The following SLC44A1 variants were observed in gnomAD, a reference collection of about 807,000 sequenced individuals.
The protein encoded by SLC44A1 is choline transporter-like protein 1.
Under a neutral mutation model 79.3 loss-of-function variants are expected in SLC44A1, and 26 were observed. The ratio of observed to expected loss-of-function variants is 0.33; its 90% CI spans 0.24 to 0.46. SLC44A1 has a LOEUF of 0.46. Ranked by LOEUF, SLC44A1 falls within the 20% of genes least tolerant of loss-of-function variation. The pLI, the probability that SLC44A1 is intolerant of heterozygous loss-of-function variation, is 1.00. For missense variants in SLC44A1, 688 were observed against 798.1 expected, an observed-to-expected ratio of 0.86 and a Z score of 1.66; for synonymous variants, 263 against 286.2, an observed-to-expected ratio of 0.92 and a Z score of 0.82.
intron 1 of SLC44A1, among the ~76,000 whole-genome samples, chr9:105,254,409 C>A (rs1056940140): frequency 1.3e-5 from 2 of 152,126 alleles, no homozygotes. Context: ...TTAGAGTAAC[C>A]AGGACTTCCC....
At chr9:105,352,769 A>G (rs967655186) in intron 5 of SLC44A1, among the ~76,000 whole-genome samples, 2 of 152,190 alleles carry the variant, frequency 1.3e-5, no homozygotes, top group African/African-American at 4.8e-5. Context: ...ATTCACCTCC[A>G]CCGAAATTCA....
chr9:105,249,839 C>T (rs1274098922), intron 1 of SLC44A1, among the ~76,000 whole-genome samples: 4 of 150,540 alleles, frequency 2.7e-5, no homozygotes, highest in African/African-American at 7.3e-5. Context: ...CCGGCCAATT[C>T]CCAAATCTTA....
chr9:105,356,189 A>AT lies in SLC44A1; in HGVS notation c.501-14dup, dbSNP rs555329166. 7.8e-4 allele frequency: 1,234 copies of AT among 1,572,414 alleles called. 1 individual carries two copies. The highest frequency in any genetic ancestry group is 4.5e-3 in the African/African-American group (330 of 72,634). ...TTAAGTAGGAGTAATTTTTTTTCTG[A>AT]TTTTTTTTTCTTGTGTCACCAGTGC... On this transcript the variant is annotated intron_variant, in intron 5 of 15. Coordinates refer to ENST00000374720, the MANE Select transcript of SLC44A1 (RefSeq NM_080546.5).
chr9:105,274,402 C>T (rs1830152792), intron 1 of SLC44A1, among the ~76,000 whole-genome samples: 1 of 152,166 alleles, frequency 6.6e-6, no homozygotes, highest in African/African-American at 2.4e-5. Flanking sequence ...ACTGCTTTTA[C>T]TTATGATGTT....
chr9:105,360,164 A>G (rs181233736), intron 7 of SLC44A1, among the ~76,000 whole-genome samples: 1 of 152,006 alleles, frequency 6.6e-6, no homozygotes. Context: ...GTTCTACCTC[A>G]GTCTCTTTGA....
At chr9:105,259,677 A>G (rs1829797722) in intron 1 of SLC44A1, among the ~76,000 whole-genome samples, 1 of 152,228 alleles carries the variant, frequency 6.6e-6, no homozygotes, top group South Asian at 2.1e-4. Flanking sequence ...GTGTTGGAAG[A>G]CAATTCTAAA....
chr9:105,383,034 ATAG>A, intron 13 of SLC44A1, 86 bp from the exon 14 acceptor site: 2 of 852,650 alleles, frequency 2.3e-6, no homozygotes, highest in East Asian at 2.4e-5. Context: ...TCATTTATAA[ATAG>A]TAGAATTTTA....
intron 4 of SLC44A1, among the ~76,000 whole-genome samples, chr9:105,338,435 G>A (rs551855196): frequency 2.9e-4 from 44 of 152,036 alleles, no homozygotes; most frequent in African/African-American, 8.9e-4. Context: ...CTGCTTAAGA[G>A]ACAGGCTGAA....
intron 1 of SLC44A1, among the ~76,000 whole-genome samples, chr9:105,246,964 G>A (rs1373693848): frequency 1.3e-5 from 2 of 152,192 alleles, no homozygotes. Flanking sequence ...CACCCAAGGG[G>A]TGCATTTTTT....
At chr9:105,400,910 T>TAA (rs1303023807), downstream of SLC44A1, among the ~76,000 whole-genome samples, 4 of 152,236 alleles carry the variant, frequency 2.6e-5, no homozygotes, top group African/African-American at 9.6e-5. Context: ...TCAATATACG[T>TAA]AATATTTAAA....
intron 5 of SLC44A1, 75 bp from the exon 6 acceptor site, chr9:105,356,137 A>T (rs1827614831): frequency 8.7e-7 from 1 of 1,155,944 alleles, no homozygotes; most frequent in South Asian, 1.2e-5. Flanking sequence ...TTCACCTTTC[A>T]TTTGTGTGTT....
chr9:105,424,984 A>T (rs565945367), intron 15 of SLC44A1, among the ~76,000 whole-genome samples: 1 of 150,684 alleles, frequency 6.6e-6, no homozygotes, highest in South Asian at 2.1e-4. Flanking sequence ...AAGAAAGAAA[A>T]CTAACTACAC....
At chr9:105,322,702 T>C (rs1364756144) in intron 3 of SLC44A1, among the ~76,000 whole-genome samples, 1 of 152,058 alleles carries the variant, frequency 6.6e-6, no homozygotes, top group African/African-American at 2.4e-5. Context: ...CAAAAAATAT[T>C]GGGTTGAGTG....
At chr9:105,384,734 T>C (rs1312116550) in intron 14 of SLC44A1, among the ~76,000 whole-genome samples, 9 of 152,224 alleles carry the variant, frequency 5.9e-5, no homozygotes, top group Admixed American at 5.2e-4. Flanking sequence ...ATAACTGTTT[T>C]CCACCCTTCA....
intron 1 of SLC44A1, among the ~76,000 whole-genome samples, chr9:105,288,216 T>G (rs1354951958): frequency 6.6e-6 from 1 of 152,232 alleles, no homozygotes; most frequent in East Asian, 1.9e-4. Flanking sequence ...CTATACAGTC[T>G]TCATAGTTAT....
chr9:105,405,656 A>AG, intron 15 of SLC44A1, among the ~76,000 whole-genome samples: 1 of 152,200 alleles, frequency 6.6e-6, no homozygotes, highest in East Asian at 1.9e-4. Flanking sequence ...CAAAAAAAAA[A>AG]TTGTGGTTGT....
chr9:105,415,294 T>TA (rs938585950), intron 15 of SLC44A1, among the ~76,000 whole-genome samples: 2 of 152,016 alleles, frequency 1.3e-5, no homozygotes, highest in African/African-American at 4.8e-5. Context: ...GCAAGGAAGG[T>TA]AAAAAAGGCA....
chr9:105,380,748 T>C (rs1459727901), intron 13 of SLC44A1, among the ~76,000 whole-genome samples: 4 of 152,162 alleles, frequency 2.6e-5, no homozygotes, highest in Admixed American at 1.3e-4. Flanking sequence ...CCATCCACCA[T>C]GGAGATCACT....
At chr9:105,248,899 G>C (rs1332633304) in intron 1 of SLC44A1, among the ~76,000 whole-genome samples, 1 of 152,186 alleles carries the variant, frequency 6.6e-6, no homozygotes, top group Admixed American at 6.5e-5. Flanking sequence ...TTAGCAAATT[G>C]CCGTAAGTCT....
Sources: gnomAD v4.1 joint callset for allele counts (sites outside exome capture counted in the v4.1 genomes callset) on GRCh38, gnomAD v4.1.1 for gene constraint, MANE v1.5 for transcripts, NCBI Gene and HGNC (gene_info 2026-07-23, HGNC 2026-07-21) for gene names.